METAP1D: variants seen among roughly 807,000 people sequenced by gnomAD.
METAP1D encodes methionyl aminopeptidase type 1D, mitochondrial, also known as methionine aminopeptidase 1D, mitochondrial.
METAP1D carries 31 observed loss-of-function variants against 40.5 expected under a neutral mutation model. The ratio of observed to expected loss-of-function variants is 0.77; its 90% CI spans 0.58 to 1.03. The LOEUF (loss-of-function observed/expected upper bound fraction) is 1.03, where lower values mean the gene tolerates loss of function less well. Ranked by LOEUF, METAP1D falls within the 50% of genes least tolerant of loss-of-function variation. METAP1D has a pLI of 0.00. For missense variants in METAP1D, 411 were observed against 420.7 expected (o/e 0.98, Z 0.20); for synonymous variants, 151 against 146.4 (o/e 1.03, Z -0.22).
intron 1 of METAP1D, among the ~76,000 whole-genome samples, chr2:172,008,217 A>T (rs771662172): frequency 1.1e-4 from 17 of 152,128 alleles, no homozygotes; most frequent in Non-Finnish European, 2.2e-4. Context: ...AGTACTTCAT[A>T]GTGGTGTTGC....
intron 1 of METAP1D, among the ~76,000 whole-genome samples, chr2:172,036,765 T>C (rs891673828): frequency 2.6e-5 from 4 of 152,340 alleles, no homozygotes; most frequent in African/African-American, 9.6e-5. Flanking sequence ...AATTAGTGAC[T>C]TCATAATTGA....
chr2:172,041,407 C>T (rs1442499498), intron 1 of METAP1D, among the ~76,000 whole-genome samples: 2 of 125,150 alleles, frequency 1.6e-5, no homozygotes, highest in South Asian at 2.7e-4. Context: ...TTCAGTGAGC[C>T]GATATCGTGC....
chr2:172,080,017 GA>G, intron 8 of METAP1D, 110 bp from the exon 9 acceptor site: 1 of 876,238 alleles, frequency 1.1e-6, no homozygotes, highest in Non-Finnish European at 1.8e-6. Flanking sequence ...GCCTGTGGGG[GA>G]AGCACTTGAG....
chr2:172,076,298 T>G (rs1288548254), intron 6 of METAP1D, among the ~76,000 whole-genome samples: 5 of 149,888 alleles, frequency 3.3e-5, no homozygotes, highest in Non-Finnish European at 7.4e-5. Context: ...AATTTATAGG[T>G]TTAGGGAGAA....
At chr2:172,028,629 G>A (rs1463915852) in intron 1 of METAP1D, among the ~76,000 whole-genome samples, 1 of 148,458 alleles carries the variant, frequency 6.7e-6, no homozygotes, top group Non-Finnish European at 1.5e-5. Context: ...TATATAATAT[G>A]CAACTTGTTT....
chr2:172,010,969 T>C (rs745479661), intron 1 of METAP1D, among the ~76,000 whole-genome samples: 14 of 151,662 alleles, frequency 9.2e-5, no homozygotes, highest in Non-Finnish European at 1.6e-4. Flanking sequence ...GCCAGGCTGG[T>C]CTCTTAAACT....
At chr2:172,000,626 G>C (rs922013141) in intron 1 of METAP1D, among the ~76,000 whole-genome samples, 2 of 152,242 alleles carry the variant, frequency 1.3e-5, no homozygotes, top group South Asian at 4.1e-4. Context: ...GAACTAGAAA[G>C]TTTTTCCAAG....
Position 172,071,050 on chromosome 2 carries a change from T to C in METAP1D, c.684T>C (p.Ser228=). The C allele has an allele frequency of 6.2e-7, 1 of 1,610,970 alleles. No individual in the cohort carries two copies. The highest frequency in any genetic ancestry group is 1.1e-5 in the South Asian group (1 of 90,680). Residue 228 remains serine, a synonymous_variant, in exon 6 of 10, where the codon TCT becomes TCC. Transcript: ENST00000315796. The part of the protein sequence containing the change: ...IAACRAGAPF[S]VIGNTISHIT... ...CTTGCAGAGCAGGGGCTCCCTTCTCTGTAATTGGAAACACAATCAGGTAAG... is the reference window on the plus strand; with the variant it reads ...CTTGCAGAGCAGGGGCTCCCTTCTCCGTAATTGGAAACACAATCAGGTAAG...
At position 172,072,984 on chromosome 2, in the gene METAP1D, G is replaced by A. The variant is rs114742223; in HGVS notation, c.704+1914G>A. The stretch of plus-strand genomic sequence containing the variant: ...AATAATTAGCTCTGCTATGGAAAGA[G>A]CATCTAGGCCTTTTACTGCTACATA... On this transcript the variant is annotated intron_variant, in intron 6 of 9. Coordinates refer to ENST00000315796, the MANE Select transcript of METAP1D (RefSeq NM_199227.3). 8.8e-3 allele frequency among the ~76,000 whole-genome samples: 1,333 copies of A among 152,244 alleles called. 12 individuals carry two copies. Among genetic ancestry groups the A allele is most frequent in the Middle Eastern group, 0.034 (10 of 294 alleles).
At chr2:172,005,520 T>TTTTTTATATATATATA (rs1267182910) in intron 1 of METAP1D, among the ~76,000 whole-genome samples, 1 of 110,948 alleles carries the variant, frequency 9.0e-6, no homozygotes, top group South Asian at 3.4e-4. Flanking sequence ...TGTCTGTATT[T>TTTTTTATATATATATA]TATATATATA....
chr2:172,010,704 G>T (rs1160836496), intron 1 of METAP1D, among the ~76,000 whole-genome samples: 2 of 150,628 alleles, frequency 1.3e-5, no homozygotes, highest in African/African-American at 4.9e-5. Flanking sequence ...ATGTTGGCCA[G>T]GCTGGTCTTG....
At chr2:172,024,143 G>C (rs911086023) in intron 1 of METAP1D, among the ~76,000 whole-genome samples, 2 of 152,166 alleles carry the variant, frequency 1.3e-5, no homozygotes, top group African/African-American at 4.8e-5. Context: ...ACAGGCATGA[G>C]CCACTGTGCC....
Position 172,071,075 on chromosome 2 carries a change from GC to G in METAP1D, c.704+7del. The G allele has an allele frequency of 6.3e-7, 1 of 1,599,092 alleles. No individual in the cohort carries two copies. The highest frequency in any genetic ancestry group is 2.2e-5 in the East Asian group (1 of 44,466). On this transcript the variant is annotated splice_donor_region_variant and intron_variant, in intron 6 of 9. Coordinates refer to ENST00000315796, the MANE Select transcript of METAP1D (RefSeq NM_199227.3). ...TGTAATTGGAAACACAATCAGGTAAGCCTTACATTGACAAGTAAAGGGAGGG... is the reference window on the plus strand; with the variant it reads ...TGTAATTGGAAACACAATCAGGTAAGCTTACATTGACAAGTAAAGGGAGGG...
At chr2:172,029,329 G>A (rs1035446782) in intron 1 of METAP1D, among the ~76,000 whole-genome samples, 1 of 152,146 alleles carries the variant, frequency 6.6e-6, no homozygotes, top group African/African-American at 2.4e-5. Context: ...AGGCTGAGGT[G>A]GGAGAATTGC....
chr2:172,048,590 C>T (rs1017813500), intron 1 of METAP1D, among the ~76,000 whole-genome samples: 5 of 152,168 alleles, frequency 3.3e-5, no homozygotes, highest in African/African-American at 4.8e-5. Context: ...TCTCATGGTG[C>T]ATTCACAAGC....
chr2:172,039,917 T>C (rs1444542894), intron 1 of METAP1D, among the ~76,000 whole-genome samples: 19 of 147,580 alleles, frequency 1.3e-4, no homozygotes, highest in South Asian at 4.4e-4. Context: ...CCTCGTGATC[T>C]GCCCACCTTG....
intron 1 of METAP1D, among the ~76,000 whole-genome samples, chr2:172,014,122 C>T (rs1448820182): frequency 6.7e-6 from 1 of 148,660 alleles, no homozygotes; most frequent in African/African-American, 2.5e-5. Flanking sequence ...TGCATCTGGA[C>T]TACTTTTTTT....
intron 5 of METAP1D, among the ~76,000 whole-genome samples, chr2:172,070,373 C>T (rs915085336): frequency 1.3e-5 from 2 of 152,192 alleles, no homozygotes; most frequent in Non-Finnish European, 2.9e-5. Flanking sequence ...GGAACCACTT[C>T]AATTCTTAGA....
At chr2:172,034,502 G>A (rs556104773) in intron 1 of METAP1D, among the ~76,000 whole-genome samples, 27 of 151,914 alleles carry the variant, frequency 1.8e-4, no homozygotes, top group African/African-American at 6.5e-4. Flanking sequence ...CCTGGTCCGG[G>A]TTGTTGTGCC....
Sources: allele counts gnomAD v4.1 joint callset (sites outside exome capture counted in the v4.1 genomes callset), GRCh38; gene constraint gnomAD v4.1.1; transcripts MANE v1.5; gene names NCBI Gene and HGNC (gene_info 2026-07-23, HGNC 2026-07-21).